The following GPD2 variants were observed in gnomAD, a reference collection of about 807,000 sequenced individuals.
GPD2 encodes glycerol-3-phosphate dehydrogenase 2.
GPD2 carries 54 observed loss-of-function variants against 82.4 expected under a neutral mutation model. The observed-to-expected ratio is 0.66, with a 90% confidence interval of 0.53 to 0.82. The LOEUF (loss-of-function observed/expected upper bound fraction) is 0.82, where lower values mean the gene tolerates loss of function less well. Ranked by LOEUF, GPD2 falls within the 40% of genes least tolerant of loss-of-function variation. The pLI is 0.00. For synonymous variants in GPD2, 288 were observed against 306.1 expected, an observed-to-expected ratio of 0.94 and a Z score of 0.62; for missense variants, 748 against 896.2, an observed-to-expected ratio of 0.83 and a Z score of 2.11.
chr2:156,564,163 CA>C (rs1286114870), intron 9 of GPD2, among the ~76,000 whole-genome samples: 1 of 152,000 alleles, frequency 6.6e-6, no homozygotes, highest in Non-Finnish European at 1.5e-5. Context: ...ACAAGAACTC[CA>C]GACACAACAA....
chr2:156,411,001 A>C, the GPD2 span, among the ~76,000 whole-genome samples: 2 of 152,224 alleles, frequency 1.3e-5, no homozygotes, highest in African/African-American at 2.4e-5. Context: ...TTCTAAGACA[A>C]ATTCTATGTT....
At chr2:156,435,761 G>A (rs1249939126), upstream of GPD2, 2 of 152,424 alleles carry the variant, frequency 1.3e-5, no homozygotes, top group Admixed American at 6.5e-5. Flanking sequence ...GAGGTACAGA[G>A]TAGGAGAAGC....
At chr2:156,401,147 T>A in the GPD2 span, among the ~76,000 whole-genome samples, 1 of 152,168 alleles carries the variant, frequency 6.6e-6, no homozygotes, top group African/African-American at 2.4e-5. Context: ...AGTCAAAACT[T>A]GCATTGGCCG....
the GPD2 span, among the ~76,000 whole-genome samples, chr2:156,415,133 T>A: frequency 1.4e-5 from 2 of 142,552 alleles, no homozygotes; most frequent in Non-Finnish European, 1.5e-5. Context: ...TTCCCCCAAA[T>A]CCCCCAAGTC....
chr2:156,423,161 A>C, the GPD2 span, among the ~76,000 whole-genome samples: 2 of 152,262 alleles, frequency 1.3e-5, no homozygotes, highest in Non-Finnish European at 2.9e-5. Flanking sequence ...GTAAGTGACA[A>C]GATTTGGTTT....
In GPD2 at chr2:156,438,915, G is replaced by A. The variant is rs145747973; in HGVS notation, c.-9+2402G>A. ...ACAATCATTTTTCCAGTGGTAGGAT[G>A]TTGGCCAGAACTGATGTGATTATGA... On this transcript the variant is annotated intron_variant, in intron 1 of 16. Coordinates refer to ENST00000438166, the MANE Select transcript of GPD2 (RefSeq NM_000408.5). 2.0e-5 allele frequency among the ~76,000 whole-genome samples: 3 copies of A among 152,342 alleles called. No individual in the cohort carries two copies. In the East Asian group the frequency reaches 5.8e-4, roughly 29 times the overall value.
At position 156,517,692 on chromosome 2, in the gene GPD2, C is replaced by T. The variant is rs138665292; in HGVS notation, c.661+4196C>T. Among the ~76,000 whole-genome samples the T allele has an allele frequency of 4.5e-3, 685 of 152,266 alleles. 1 individual carries two copies. Among genetic ancestry groups the T allele is most frequent in the Non-Finnish European group, 6.3e-3 (427 of 68,022 alleles). ...TTTAGGGCATGGCATGCCTGGGTGACTTGACAGGCTGTGAGATTATGTGAA... is the reference window on the plus strand; with the variant it reads ...TTTAGGGCATGGCATGCCTGGGTGATTTGACAGGCTGTGAGATTATGTGAA... On this transcript the variant is annotated intron_variant, in intron 6 of 16. Coordinates refer to ENST00000438166, the MANE Select transcript of GPD2 (RefSeq NM_000408.5).
intron 1 of GPD2, among the ~76,000 whole-genome samples, chr2:156,437,460 A>G (rs978442418): frequency 5.3e-5 from 8 of 152,294 alleles, no homozygotes; most frequent in African/African-American, 7.2e-5. Context: ...ACCACATGAC[A>G]TCTGGATGCC....
chr2:156,580,304 A>G (rs1687982553), intron 16 of GPD2, among the ~76,000 whole-genome samples: 1 of 152,206 alleles, frequency 6.6e-6, no homozygotes. Flanking sequence ...GGAAACTTGT[A>G]TTTTGGGGTC....
chr2:156,440,777 T>C (rs1397759419), intron 1 of GPD2, among the ~76,000 whole-genome samples: 1 of 152,326 alleles, frequency 6.6e-6, no homozygotes, highest in East Asian at 1.9e-4. Context: ...CAAGTACAAA[T>C]GTATTGTGAC....
chr2:156,566,284 T>G (rs1687386579), intron 9 of GPD2, among the ~76,000 whole-genome samples: 1 of 152,108 alleles, frequency 6.6e-6, no homozygotes, highest in Non-Finnish European at 1.5e-5. Flanking sequence ...ATTACGTACA[T>G]TCACATTGTC....
intron 6 of GPD2, among the ~76,000 whole-genome samples, chr2:156,538,367 G>A (rs1340768747): frequency 4.6e-5 from 7 of 152,040 alleles, no homozygotes; most frequent in Non-Finnish European, 1.5e-5. Flanking sequence ...CTTGCAGGAG[G>A]TAAACTCTTG....
chr2:156,543,431 A>G (rs1392550230), intron 6 of GPD2, among the ~76,000 whole-genome samples: 1 of 152,250 alleles, frequency 6.6e-6, no homozygotes, highest in African/African-American at 2.4e-5. Flanking sequence ...TTGATGTCCC[A>G]TAAGTCTGTA....
At chr2:156,523,255 C>T (rs1474719248) in intron 6 of GPD2, among the ~76,000 whole-genome samples, 1 of 152,096 alleles carries the variant, frequency 6.6e-6, no homozygotes, top group African/African-American at 2.4e-5. Context: ...CATCCTTCCC[C>T]CTCCCCTAAC....
intron 9 of GPD2, among the ~76,000 whole-genome samples, chr2:156,561,754 A>T (rs975809848): frequency 4.6e-5 from 7 of 152,230 alleles, no homozygotes; most frequent in Non-Finnish European, 8.8e-5. Context: ...ATGGGTAAGT[A>T]AAATTCCAAC....
chr2:156,514,834 T>C (rs1685140731), intron 6 of GPD2, among the ~76,000 whole-genome samples: 1 of 152,198 alleles, frequency 6.6e-6, no homozygotes, highest in African/African-American at 2.4e-5. Context: ...AAGGACAACC[T>C]TAACTGTGAA....
chr2:156,443,555 C>T (rs897366935), intron 1 of GPD2, among the ~76,000 whole-genome samples: 2 of 152,204 alleles, frequency 1.3e-5, no homozygotes, highest in Non-Finnish European at 2.9e-5. Flanking sequence ...TTTTAGGCAT[C>T]TCCCTCCCTA....
chr2:156,438,381 C>G (rs1201079277), intron 1 of GPD2, among the ~76,000 whole-genome samples: 1 of 152,134 alleles, frequency 6.6e-6, no homozygotes, highest in Non-Finnish European at 1.5e-5. Flanking sequence ...ATTTTTCCTT[C>G]TTATACTCAA....
the GPD2 span, among the ~76,000 whole-genome samples, chr2:156,413,144 A>G: frequency 2.0e-5 from 3 of 152,150 alleles, no homozygotes; most frequent in Admixed American, 6.5e-5. Flanking sequence ...TAAGAGGACA[A>G]GTAATTATAA....
Sources: allele counts gnomAD v4.1 joint callset (sites outside exome capture counted in the v4.1 genomes callset), GRCh38; gene constraint gnomAD v4.1.1; transcripts MANE v1.5; gene names NCBI Gene and HGNC (gene_info 2026-07-23, HGNC 2026-07-21).